Variants in LAMA1 observed in about 807,000 individuals in gnomAD.
LAMA1 encodes laminin subunit alpha-1.
A neutral mutation model predicts 348.7 loss-of-function variants in LAMA1; 219 were observed. The ratio of observed to expected loss-of-function variants is 0.63; its 90% CI spans 0.56 to 0.70. LAMA1 has a LOEUF of 0.70. Among genes scored for constraint, LAMA1 ranks in the 30% least tolerant of loss-of-function variants. The pLI is 0.00. For missense variants in LAMA1, 3,744 were observed against 3,888.0 expected, an observed-to-expected ratio of 0.96 and a Z score of 0.99; for synonymous variants, 1,487 against 1,491.0, an observed-to-expected ratio of 1.00 and a Z score of 0.06.
intron 1 of LAMA1, among the ~76,000 whole-genome samples, chr18:7,108,404 T>C (rs559440212): frequency 9.7e-4 from 148 of 152,042 alleles, no homozygotes; most frequent in African/African-American, 3.3e-3. Flanking sequence ...CTCATACCTG[T>C]AATCCCAGCA....
intron 48 of LAMA1, among the ~76,000 whole-genome samples, chr18:6,968,831 C>T (rs2057645385): frequency 6.6e-6 from 1 of 152,034 alleles, no homozygotes; most frequent in African/African-American, 2.4e-5. Context: ...TAAGAGTAAA[C>T]AGTCAAAAAT....
intron 42 of LAMA1, among the ~76,000 whole-genome samples, chr18:6,979,403 C>G (rs995848206): frequency 5.9e-5 from 9 of 152,144 alleles, no homozygotes; most frequent in Non-Finnish European, 1.3e-4. Flanking sequence ...CACAGTGGCT[C>G]ACACTTGTAA....
rs1211352424 is a variant in LAMA1, at chr18:6,964,677, C to T, written c.7322G>A (p.Arg2441Lys). 3 of 1,614,170 alleles carry T rather than the reference C, an allele frequency of 1.9e-6. No homozygotes were observed. Among genetic ancestry groups the T allele is most frequent in the Non-Finnish European group, 2.5e-6 (3 of 1,180,034 alleles). The change falls in exon 51 of 63, where the codon AGG (arginine) becomes AAG (lysine). Residue 2441 changes from arginine to lysine, a missense_variant. By Grantham distance (26) the Arg-to-Lys change is conservative. Around this residue, in one of 3 missense-constraint regions of LAMA1, gnomAD observed 1,983 missense variants for 1,934.3 expected, o/e 1.03. Coordinates refer to ENST00000389658, the MANE Select transcript of LAMA1 (RefSeq NM_005559.4). Reference sequence around the variant, plus strand: ...TTTAATATACCTTACAACTCTTGACCTTGGTAATCCACCCACATAAATCGG... The same window carrying T: ...TTTAATATACCTTACAACTCTTGACTTTGGTAATCCACCCACATAAATCGG... ...KDPIYVGGLPRSRVVRRGVTT... is the reference protein window; with the variant it reads ...KDPIYVGGLPKSRVVRRGVTT...
At chr18:7,024,032 C>T (rs1163778672) in intron 18 of LAMA1, among the ~76,000 whole-genome samples, 1 of 151,540 alleles carries the variant, frequency 6.6e-6, no homozygotes, top group African/African-American at 2.4e-5. Context: ...TTTGTAGAGA[C>T]AGGGTTTTAC....
Position 7,050,766 on chromosome 18 carries a change from G to A in LAMA1, c.516C>T (p.Pro172=). Residue 172 remains proline, a synonymous_variant, in exon 4 of 63, where the codon CCC becomes CCT. Transcript: ENST00000389658. Reference sequence around the variant, plus strand: ...TCACTTCATCATCAGCCCTGTAGGTGGGTGGCCCTCGTCTTGGAGTTATAT... The same window carrying A: ...TCACTTCATCATCAGCCCTGTAGGTAGGTGGCCCTCGTCTTGGAGTTATAT... The part of the protein sequence containing the change: ...RYNITPRRGP[P]TYRADDEVIC... 1 of 1,614,136 alleles carries A rather than the reference G, an allele frequency of 6.2e-7. No homozygotes were observed. The highest frequency in any genetic ancestry group is 8.5e-7 in the Non-Finnish European group (1 of 1,180,038).
intron 1 of LAMA1, among the ~76,000 whole-genome samples, chr18:7,108,202 G>GGT (rs2058321720): frequency 6.6e-6 from 1 of 151,904 alleles, no homozygotes; most frequent in African/African-American, 2.4e-5. Flanking sequence ...CAGGCATGGC[G>GGT]GTGTGTGCCT....
At chr18:7,015,408 C>T (rs2057882453) in intron 22 of LAMA1, among the ~76,000 whole-genome samples, 1 of 151,168 alleles carries the variant, frequency 6.6e-6, no homozygotes, top group Non-Finnish European at 1.5e-5. Flanking sequence ...TAGCTGAGAC[C>T]ACAGGCGTGT....
At chr18:6,999,813 T>C (rs757260630) in intron 31 of LAMA1, 98 bp downstream of exon 31, 29 of 1,294,986 alleles carry the variant, frequency 2.2e-5, no homozygotes, top group South Asian at 3.6e-5. Flanking sequence ...AAACTGATAA[T>C]TGATAATGGC....
intron 18 of LAMA1, among the ~76,000 whole-genome samples, chr18:7,024,111 T>C (rs2057931688): frequency 6.6e-6 from 1 of 152,098 alleles, no homozygotes; most frequent in African/African-American, 2.4e-5. Flanking sequence ...CCCAAAGTCC[T>C]GGCATTACAT....
Position 7,032,127 on chromosome 18 carries a change from A to G in LAMA1, c.2213T>C (p.Ile738Thr). ...YRVDGILFGG[I>T]CQPCECHGHA... ...GCCGTGGCATTCACAGGGTTGACAAATTCCTCCAAAGAGTATTCCATCCAC... is the reference window on the plus strand; with the variant it reads ...GCCGTGGCATTCACAGGGTTGACAAGTTCCTCCAAAGAGTATTCCATCCAC... Residue 738 changes from isoleucine to threonine, a missense_variant, in exon 16 of 63, where the codon ATT (isoleucine) becomes ACT (threonine). Transcript: ENST00000389658. The G allele has an allele frequency of 1.2e-6, 2 of 1,614,234 alleles. No individual in the cohort carries two copies. The highest frequency in any genetic ancestry group is 1.7e-6 in the Non-Finnish European group (2 of 1,180,040).
intron 8 of LAMA1, 124 bp from the exon 9 acceptor site, chr18:7,042,374 G>T: frequency 1.4e-6 from 1 of 695,672 alleles, no homozygotes; most frequent in Non-Finnish European, 2.6e-6. Context: ...TTGTGCATGG[G>T]GGTGGGGGTT....
chr18:7,036,126 G>T lies in LAMA1; in HGVS notation c.1738-38C>A, dbSNP rs763751622. On this transcript the variant is annotated intron_variant, in intron 12 of 62. Coordinates refer to ENST00000389658, the MANE Select transcript of LAMA1 (RefSeq NM_005559.4). ...AGCGAGAATGAACACGAAAGGGGAA[G>T]ACAATCACAGCAACAATCAAGTAAG... 5 of 1,398,424 alleles carry T rather than the reference G, an allele frequency of 3.6e-6. No homozygotes were observed. In the African/African-American group the frequency reaches 7.1e-5, roughly 20 times the overall value. The allele number at this position is 1,398,424 out of a possible 1,614,324, so 86.6% of individuals were successfully genotyped here.
At chr18:7,062,400 G>A (rs999214254) in intron 3 of LAMA1, among the ~76,000 whole-genome samples, 1 of 152,200 alleles carries the variant, frequency 6.6e-6, no homozygotes, top group Non-Finnish European at 1.5e-5. Flanking sequence ...AAGGAGTGCA[G>A]AGATGGCAGG....
rs201104095 is a variant in LAMA1 at position 7,023,167 on chromosome 18, G to A, written c.2698C>T (p.Arg900Cys). 4.3e-5 allele frequency: 70 copies of A among 1,611,996 alleles called. No individual in the cohort carries two copies. The highest frequency in any genetic ancestry group is 2.0e-4 in the Middle Eastern group (1 of 4,958). Residue 900 changes from arginine (R) to cysteine (C), a missense_variant, in exon 19 of 63, where the codon CGC becomes TGC. Arg to Cys is a radical substitution (Grantham distance 180, BLOSUM62 -3). Transcript: ENST00000389658. ...YGDAVTAKNC[R>C]ACECHVKGSH... ...GACTTCACGCTCACGCACTCACCGC[G>A]GCAGTTCTTGGCTGTCACAGCGTCC...
intron 59 of LAMA1, 147 bp from the exon 60 acceptor site, chr18:6,948,703 TTC>T: frequency 4.8e-6 from 4 of 828,376 alleles, no homozygotes; most frequent in Non-Finnish European, 7.6e-6. Context: ...GCCACAATAC[TTC>T]ACATGAATGT....
intron 28 of LAMA1, among the ~76,000 whole-genome samples, chr18:7,007,821 T>A (rs941529737): frequency 2.0e-5 from 3 of 152,116 alleles, no homozygotes; most frequent in African/African-American, 4.8e-5. Context: ...GGAGGGAAAT[T>A]CTGACACATG....
Position 6,961,999 on chromosome 18 carries a change from T to C in LAMA1, c.7398A>G (p.Ser2466=). 6.2e-7 allele frequency: 1 copy of C among 1,614,234 alleles called. No individual in the cohort carries two copies. The highest frequency in any genetic ancestry group is 8.5e-7 in the Non-Finnish European group (1 of 1,180,032). ...AGGAATTTCTGAGTAAGTCAAAGGTTGATCTGGATATTTCCAGGTTCTTGA... is the reference window on the plus strand; with the variant it reads ...AGGAATTTCTGAGTAAGTCAAAGGTCGATCTGGATATTTCCAGGTTCTTGA... ...GCIKNLEISR[S]TFDLLRNSYG... Residue 2466 remains serine (S), a synonymous_variant, in exon 52 of 63, where the codon TCA becomes TCG. Coordinates refer to ENST00000389658, the MANE Select transcript of LAMA1 (RefSeq NM_005559.4).
At chr18:7,017,916 A>C (rs2057896441) in intron 19 of LAMA1, among the ~76,000 whole-genome samples, 1 of 152,218 alleles carries the variant, frequency 6.6e-6, no homozygotes, top group African/African-American at 2.4e-5. Flanking sequence ...TTTTATCTAC[A>C]GTTACAACAT....
At position 7,023,074 on chromosome 18, in the gene LAMA1, G is replaced by A. The variant is rs998769156; in HGVS notation, c.2701+90C>T. ...CCCCTCAAGAGAGTGTGACCTCCTA[G>A]GCGGGGCCCTGTGTGACACATGTGA... On this transcript the variant is annotated intron_variant, in intron 19 of 62. Transcript: ENST00000389658. The A allele has an allele frequency of 6.5e-6, 9 of 1,389,210 alleles. No homozygotes were observed. In the African/African-American group the frequency reaches 1.0e-4, roughly 15 times the overall value. 86.1% of individuals were successfully genotyped at this position (1,389,210 alleles called of 1,614,324 possible).
Sources: gnomAD v4.1 joint callset for allele counts (sites outside exome capture counted in the v4.1 genomes callset) on GRCh38, gnomAD v4.1.1 for gene constraint, gnomAD v4.1.1 regional missense constraint, MANE v1.5 for transcripts, NCBI Gene and HGNC (gene_info 2026-07-23, HGNC 2026-07-21) for gene names.